Variants in NDUFAF1 observed in about 807,000 individuals in gnomAD.
The protein encoded by NDUFAF1 is NADH:ubiquinone oxidoreductase complex assembly factor 1, also known as complex I intermediate-associated protein 30, mitochondrial.
NDUFAF1 carries 18 observed loss-of-function variants against 28.7 expected under a neutral mutation model. The ratio of observed to expected loss-of-function variants is 0.63; its 90% CI spans 0.43 to 0.93. The LOEUF is 0.93. Ranked by LOEUF, NDUFAF1 falls within the 40% of genes least tolerant of loss-of-function variation. The pLI, the probability that NDUFAF1 is intolerant of heterozygous loss-of-function variation, is 0.00. For missense variants in NDUFAF1, 404 were observed against 398.3 expected (o/e 1.01, Z -0.12); for synonymous variants, 113 against 139.7 (o/e 0.81, Z 1.35).
chr15:41,398,496 A>G (rs1251347493), intron 1 of NDUFAF1, among the ~76,000 whole-genome samples: 2 of 150,888 alleles, frequency 1.3e-5, no homozygotes, highest in Non-Finnish European at 3.0e-5. Context: ...AAAAAAAAAA[A>G]GAGACAGGGT....
At chr15:41,397,318 C>A (rs1475128693) in intron 1 of NDUFAF1, among the ~76,000 whole-genome samples, 178 bp from the exon 2 acceptor site, 1 of 152,136 alleles carries the variant, frequency 6.6e-6, no homozygotes, top group Admixed American at 6.6e-5. Context: ...GGCACAATCA[C>A]AGCTCACTGT....
chr15:41,387,534 T>C lies in NDUFAF1; in HGVS notation c.894A>G (p.Ile298Met), dbSNP rs141408814. Residue 298 changes from isoleucine (I) to methionine (M), a missense_variant, in exon 5 of 5, where the codon ATA becomes ATG. Transcript: ENST00000260361. Reference sequence around the variant, plus strand: ...GATCAGTAAACACGCCAATAAAATCTATCTCCAGGAAGAATGGACCATCCA... The same window carrying C: ...GATCAGTAAACACGCCAATAAAATCCATCTCCAGGAAGAATGGACCATCCA... Reference protein sequence around the residue: ...DKVDGPFFLEIDFIGVFTDPA... With the variant: ...DKVDGPFFLEMDFIGVFTDPA... The C allele has an allele frequency of 3.8e-5, 62 of 1,612,900 alleles. 1 individual carries two copies. In the African/African-American group the frequency reaches 6.1e-4, roughly 16 times the overall value.
chr15:41,402,784 T>G (rs1195795231), upstream of NDUFAF1, among the ~76,000 whole-genome samples: 1 of 141,514 alleles, frequency 7.1e-6, no homozygotes, highest in Non-Finnish European at 1.5e-5. Flanking sequence ...CAGGCTGGAG[T>G]GCAGTGGCGC....
chr15:41,396,575 A>G lies in NDUFAF1; in HGVS notation c.485T>C (p.Leu162Pro). ...LKMGKNNQSA[L>P]LYGTLSSEAP... is the part of the protein sequence containing the mutation. ...CTCAGAGCTCAGAGTTCCATATAGC[A>G]GTGCACTTTGGTTATTCTTGCCCAT... The change falls in exon 2 of 5, where the codon CTG (leucine) becomes CCG (proline). Residue 162 changes from leucine (L) to proline (P), a missense_variant. By Grantham distance (98) the Leu-to-Pro change is moderately conservative. Coordinates refer to ENST00000260361, the MANE Select transcript of NDUFAF1 (RefSeq NM_016013.4). The G allele has an allele frequency of 6.2e-7, 1 of 1,614,068 alleles. No individual in the cohort carries two copies. The highest frequency in any genetic ancestry group is 8.5e-7 in the Non-Finnish European group (1 of 1,180,008).
chr15:41,397,412 G>A (rs577928111), intron 1 of NDUFAF1, among the ~76,000 whole-genome samples: 1 of 152,010 alleles, frequency 6.6e-6, no homozygotes, highest in Admixed American at 6.6e-5. Flanking sequence ...ACCATGCCCA[G>A]CTAATTTTTA....
chr15:41,402,414 G>A lies in NDUFAF1; in HGVS notation c.-352C>T, dbSNP rs532681188. The stretch of plus-strand genomic sequence containing the variant: ...GGGCTCTGTCGCCTCCCCACACCCG[G>A]GACACACCAACCGCCGGCCTGCCGC... On this transcript the variant is annotated 5_prime_UTR_variant, in exon 1 of 5. Transcript: ENST00000260361. 4.5e-4 allele frequency: 197 copies of A among 442,318 alleles called. No individual in the cohort carries two copies. Among genetic ancestry groups the A allele is most frequent in the Non-Finnish European group, 7.7e-4 (168 of 218,220 alleles). 27.4% of individuals were successfully genotyped at this position (442,318 alleles called of 1,614,324 possible). A position where few individuals can be genotyped will look rare whatever the true frequency, so the allele number is the denominator to read the frequency against.
Position 41,396,650 on chromosome 15 carries a change from G to C in NDUFAF1, c.410C>G (p.Thr137Arg). Residue 137 changes from threonine to arginine, a missense_variant, in exon 2 of 5, where the codon ACA (threonine) becomes AGA (arginine). Transcript: ENST00000260361. ...FRGKEDLDKW[T>R]VTSDKTIGGR... ...TCCAATCGTCTTATCAGAAGTCACT[G>C]TCCACTTATCCAAATCTTCTTTCCC... 1 of 1,614,076 alleles carries C rather than the reference G, an allele frequency of 6.2e-7. No homozygotes were observed. Among genetic ancestry groups the C allele is most frequent in the African/African-American group, 1.3e-5 (1 of 75,014 alleles).
chr15:41,394,753 G>A, intron 3 of NDUFAF1, 106 bp downstream of exon 3: 1 of 1,148,886 alleles, frequency 8.7e-7, no homozygotes, highest in Non-Finnish European at 1.3e-6. Context: ...CCTGACCTCA[G>A]GTGATCCACC....
chr15:41,389,372 G>GC (rs954881851), intron 3 of NDUFAF1, among the ~76,000 whole-genome samples: 4 of 150,776 alleles, frequency 2.7e-5, no homozygotes, highest in African/African-American at 9.8e-5. Flanking sequence ...ACCACACCCT[G>GC]CCTAAATAAT....
intron 2 of NDUFAF1, 137 bp from the exon 3 acceptor site, chr15:41,395,181 C>A (rs945089548): frequency 1.3e-5 from 10 of 763,448 alleles, no homozygotes; most frequent in African/African-American, 3.4e-5. Flanking sequence ...GGCACATAAA[C>A]CCAGTGATTA....
At chr15:41,398,154 T>C (rs2050416349) in intron 1 of NDUFAF1, among the ~76,000 whole-genome samples, 1 of 151,494 alleles carries the variant, frequency 6.6e-6, no homozygotes, top group African/African-American at 2.4e-5. Flanking sequence ...GCTGTAGGAA[T>C]GATGCACTGT....
intron 2 of NDUFAF1, among the ~76,000 whole-genome samples, chr15:41,395,669 C>CTTT (rs11318328): frequency 9.5e-5 from 6 of 63,182 alleles, no homozygotes; most frequent in African/African-American, 2.0e-4. Flanking sequence ...TGCGCCCGGC[C>CTTT]TTTTTTTTTT....
chr15:41,395,162 C>G, intron 2 of NDUFAF1, 118 bp from the exon 3 acceptor site: 3 of 877,964 alleles, frequency 3.4e-6, no homozygotes, highest in Non-Finnish European at 5.6e-6. Context: ...ACTTTCTGCC[C>G]CATAAGAAGG....
Position 41,387,607 on chromosome 15 carries a change from A to G in NDUFAF1, c.835-14T>C, listed in dbSNP as rs1291185925. The G allele has an allele frequency of 6.3e-7, 1 of 1,592,304 alleles. No homozygotes were observed. The highest frequency in any genetic ancestry group is 8.6e-7 in the Non-Finnish European group (1 of 1,160,306). ...TATAGAAGAGATCTAAATTTAAAAT[A>G]CAGAAATTGATTAAAATCTCATACA... On this transcript the variant is annotated splice_polypyrimidine_tract_variant and intron_variant, in intron 4 of 4. Transcript: ENST00000260361.
At chr15:41,392,066 CTTTTTT>C (rs1162627793) in intron 3 of NDUFAF1, among the ~76,000 whole-genome samples, 2 of 115,698 alleles carry the variant, frequency 1.7e-5, no homozygotes, top group Non-Finnish European at 3.6e-5. Context: ...GGACTTTATT[CTTTTTT>C]TTTTTTTTTT....
At chr15:41,398,729 C>T (rs1425328517) in intron 1 of NDUFAF1, among the ~76,000 whole-genome samples, 6 of 151,916 alleles carry the variant, frequency 3.9e-5, no homozygotes, top group East Asian at 3.9e-4. Context: ...CCAAGGTGGA[C>T]GGATCACTTG....
intron 3 of NDUFAF1, 146 bp downstream of exon 3, chr15:41,394,713 T>C: frequency 1.4e-6 from 1 of 703,542 alleles, no homozygotes; most frequent in Non-Finnish European, 2.4e-6. Context: ...AGACTAGGTT[T>C]CACCATGTTG....
chr15:41,400,688 ATTTT>A (rs58010983), intron 1 of NDUFAF1, among the ~76,000 whole-genome samples: 9 of 97,820 alleles, frequency 9.2e-5, no homozygotes, highest in African/African-American at 1.7e-4. Flanking sequence ...ATGCCCAGCT[ATTTT>A]TTTTTTTTTT....
intron 2 of NDUFAF1, among the ~76,000 whole-genome samples, chr15:41,395,369 CTTTTCTTTT>C (rs1193792738): frequency 4.2e-4 from 62 of 149,390 alleles, no homozygotes; most frequent in African/African-American, 1.5e-3. Context: ...CTTTTCTTTT[CTTTTCTTTT>C]TTTTTTTTTG....
Sources: allele counts gnomAD v4.1 joint callset (sites outside exome capture counted in the v4.1 genomes callset), GRCh38; gene constraint gnomAD v4.1.1; transcripts MANE v1.5; gene names NCBI Gene and HGNC (gene_info 2026-07-23, HGNC 2026-07-21).